The following CAMKMT variants were observed in gnomAD, a reference collection of about 807,000 sequenced individuals.
CAMKMT encodes the protein calmodulin-lysine N-methyltransferase.
In CAMKMT, 53 loss-of-function variants were observed where a neutral mutation model predicts 48.0. The observed-to-expected ratio is 1.10, with a 90% CI of 0.89 to 1.39. CAMKMT has a LOEUF of 1.39. CAMKMT is among the 40% of genes most tolerant of loss of function. The pLI, the probability that CAMKMT is intolerant of heterozygous loss-of-function variation, is 0.00. For synonymous variants in CAMKMT, 165 were observed against 152.3 expected (o/e 1.08, Z -0.61); for missense variants, 428 against 402.7 (o/e 1.06, Z -0.54).
At chr2:44,698,050 T>A (rs1677051798) in intron 3 of CAMKMT, among the ~76,000 whole-genome samples, 1 of 152,164 alleles carries the variant, frequency 6.6e-6, no homozygotes, top group African/African-American at 2.4e-5. Flanking sequence ...AGAAAATCTT[T>A]TTGAAAGGCA....
intron 7 of CAMKMT, among the ~76,000 whole-genome samples, chr2:44,734,716 A>T (rs1385302914): frequency 1.3e-5 from 2 of 152,134 alleles, no homozygotes; most frequent in Non-Finnish European, 2.9e-5. Context: ...CCAGCCAGGG[A>T]ACATATTTTT....
In CAMKMT at chr2:44,538,781, T is replaced by A. The variant is rs370857588; in HGVS notation, c.376+148476T>A. 5.9e-5 allele frequency among the ~76,000 whole-genome samples: 9 copies of A among 151,814 alleles called. No homozygotes were observed. The South Asian group carries it at 6.3e-4, about 11-fold the overall frequency. ...CCCCAAAGCTATTCAAATAATCATT[T>A]AAAAAAAGTTTTTTAGCTTCAAACC... is the stretch of plus-strand genomic sequence containing the variant. On this transcript the variant is annotated intron_variant, in intron 3 of 10. Coordinates refer to ENST00000378494, the MANE Select transcript of CAMKMT (RefSeq NM_024766.5).
At chr2:44,762,795 G>T (rs144944022) in intron 9 of CAMKMT, among the ~76,000 whole-genome samples, 72 of 152,158 alleles carry the variant, frequency 4.7e-4, no homozygotes, top group African/African-American at 1.7e-3. Flanking sequence ...GTGGTTTAGT[G>T]GAACTTCTCC....
At position 44,601,904 on chromosome 2, in the gene CAMKMT, T is replaced by C. The variant is rs1227441323; in HGVS notation, c.377-102379T>C. On this transcript the variant is annotated intron_variant, in intron 3 of 10. Coordinates refer to ENST00000378494, the MANE Select transcript of CAMKMT (RefSeq NM_024766.5). Reference sequence around the variant, plus strand: ...AGAGGTAATAGCTTAACATATGTCCTTTGATTGTTTTTTCTCTATATCTGT... The same window carrying C: ...AGAGGTAATAGCTTAACATATGTCCCTTGATTGTTTTTTCTCTATATCTGT... Among the ~76,000 whole-genome samples, 4 of 152,110 alleles carry C rather than the reference T, an allele frequency of 2.6e-5. No homozygotes were observed. In the East Asian group the frequency reaches 5.8e-4, roughly 22 times the overall value.
intron 3 of CAMKMT, among the ~76,000 whole-genome samples, chr2:44,616,735 G>C (rs1671912355): frequency 6.6e-6 from 1 of 152,062 alleles, no homozygotes; most frequent in East Asian, 1.9e-4. Flanking sequence ...GATTAGGTTG[G>C]CCTTTCTGAA....
chr2:44,376,065 G>A (rs185596617), intron 2 of CAMKMT, among the ~76,000 whole-genome samples: 34 of 152,002 alleles, frequency 2.2e-4, no homozygotes, highest in Non-Finnish European at 3.8e-4. Flanking sequence ...TGGGATTACA[G>A]GTGTGAGCCA....
chr2:44,439,502 G>T (rs1666501385), intron 3 of CAMKMT, among the ~76,000 whole-genome samples: 1 of 151,966 alleles, frequency 6.6e-6, no homozygotes, highest in South Asian at 2.1e-4. Flanking sequence ...GTTAGTTCTA[G>T]TTGCTTCCCC....
chr2:44,458,917 C>T (rs541105374), intron 3 of CAMKMT, among the ~76,000 whole-genome samples: 2 of 152,248 alleles, frequency 1.3e-5, no homozygotes, highest in South Asian at 4.1e-4. Context: ...TAGAAGGACT[C>T]TCAGATTGGG....
intron 3 of CAMKMT, among the ~76,000 whole-genome samples, chr2:44,598,028 C>T (rs767715952): frequency 6.6e-6 from 1 of 151,258 alleles, no homozygotes; most frequent in Non-Finnish European, 1.5e-5. Context: ...AGCCACCGCA[C>T]CCAGCCTATG....
chr2:44,488,941 C>T lies in CAMKMT; in HGVS notation c.376+98636C>T, dbSNP rs548139366. Among the ~76,000 whole-genome samples the T allele has an allele frequency of 4.0e-5, 6 of 151,866 alleles. No individual in the cohort carries two copies. In the East Asian group the frequency reaches 9.7e-4, roughly 25 times the overall value. On this transcript the variant is annotated intron_variant, in intron 3 of 10. Transcript: ENST00000378494. The stretch of plus-strand genomic sequence containing the variant: ...AGTACAGTGGCACAGTCATAGCTCA[C>T]TGCAGCCTTGAACTCGTGGGCTCAA...
chr2:44,584,081 T>C (rs528326294), intron 3 of CAMKMT, among the ~76,000 whole-genome samples: 4 of 152,360 alleles, frequency 2.6e-5, no homozygotes, highest in Admixed American at 2.6e-4. Context: ...GCTCCTGGAT[T>C]GTTTTTCGAG....
intron 3 of CAMKMT, among the ~76,000 whole-genome samples, chr2:44,684,971 A>C (rs1298129103): frequency 6.9e-6 from 1 of 145,582 alleles, no homozygotes; most frequent in Non-Finnish European, 1.5e-5. Flanking sequence ...TTGCAAAAGA[A>C]GAGGGATTCA....
chr2:44,605,584 G>A (rs1671238218), intron 3 of CAMKMT, among the ~76,000 whole-genome samples: 2 of 152,190 alleles, frequency 1.3e-5, no homozygotes, highest in South Asian at 4.1e-4. Context: ...CTAAGTGTTT[G>A]GGGACAACAT....
chr2:44,384,583 T>C (rs772406104), intron 2 of CAMKMT, among the ~76,000 whole-genome samples: 38 of 151,888 alleles, frequency 2.5e-4, no homozygotes, highest in Non-Finnish European at 4.0e-4. Flanking sequence ...GAAGAGTTTT[T>C]CCAATGTTAT....
At chr2:44,675,417 A>G (rs1247799693) in intron 3 of CAMKMT, among the ~76,000 whole-genome samples, 1 of 152,076 alleles carries the variant, frequency 6.6e-6, no homozygotes, top group East Asian at 1.9e-4. Flanking sequence ...GACTTCCATG[A>G]CATTCTTACC....
intron 3 of CAMKMT, among the ~76,000 whole-genome samples, chr2:44,659,437 A>T (rs913265193): frequency 1.3e-5 from 2 of 151,694 alleles, no homozygotes; most frequent in Non-Finnish European, 2.9e-5. Flanking sequence ...AAGAAAGAAA[A>T]AGTGGCGGAG....
intron 8 of CAMKMT, among the ~76,000 whole-genome samples, chr2:44,751,035 C>G (rs1195068755): frequency 6.6e-6 from 1 of 152,016 alleles, no homozygotes; most frequent in Non-Finnish European, 1.5e-5. Flanking sequence ...AATGCAGATG[C>G]TCTCTGCCTT....
chr2:44,562,415 G>A (rs538414509), intron 3 of CAMKMT, among the ~76,000 whole-genome samples: 44 of 152,152 alleles, frequency 2.9e-4, no homozygotes, highest in African/African-American at 9.4e-4. Flanking sequence ...ATTATATGCC[G>A]AATATAAGTA....
chr2:44,565,590 T>G (rs1056464698), intron 3 of CAMKMT, among the ~76,000 whole-genome samples: 1 of 152,012 alleles, frequency 6.6e-6, no homozygotes, highest in African/African-American at 2.4e-5. Context: ...TGGCTACACA[T>G]TGGAAGCACA....
Sources: gnomAD v4.1 joint callset for allele counts (sites outside exome capture counted in the v4.1 genomes callset) on GRCh38, gnomAD v4.1.1 for gene constraint, MANE v1.5 for transcripts, NCBI Gene and HGNC (gene_info 2026-07-23, HGNC 2026-07-21) for gene names.